Variants in SDS observed in about 807,000 individuals in gnomAD.
The protein encoded by SDS is L-serine dehydratase/L-threonine deaminase.
Under a neutral mutation model 29.3 loss-of-function variants are expected in SDS, and 19 were observed. That is an observed-to-expected ratio of 0.65 (90% CI 0.45 to 0.95). The LOEUF is 0.95. SDS is among the 40% of genes least tolerant of loss of function. SDS has a pLI of 0.00. For missense variants in SDS, 375 were observed against 439.9 expected (o/e 0.85, Z 1.32); for synonymous variants, 176 against 189.0 (o/e 0.93, Z 0.56).
At chr12:113,393,503 C>T (rs1375895421) in intron 7 of SDS, among the ~76,000 whole-genome samples, 2 of 152,100 alleles carry the variant, frequency 1.3e-5, no homozygotes, top group Non-Finnish European at 2.9e-5. Context: ...TCTTTTTTGC[C>T]ATCCCTGCCC....
intron 1 of SDS, among the ~76,000 whole-genome samples, chr12:113,399,918 A>G (rs991172098): frequency 2.0e-5 from 3 of 152,216 alleles, no homozygotes; most frequent in African/African-American, 7.2e-5. Flanking sequence ...CAGCTCTATC[A>G]GGGATCACCC....
At chr12:113,397,431 G>A (rs774502665) in intron 5 of SDS, 39 bp from the exon 6 acceptor site, 7 of 1,525,266 alleles carry the variant, frequency 4.6e-6, no homozygotes, top group Non-Finnish European at 6.3e-6. Flanking sequence ...TCAGGGCTAG[G>A]CTTCCTGGAG....
intron 5 of SDS, 138 bp from the exon 6 acceptor site, chr12:113,397,530 C>T (rs1957655869): frequency 1.0e-5 from 7 of 700,766 alleles, no homozygotes; most frequent in Non-Finnish European, 1.7e-5. Context: ...CTTCTAGCTG[C>T]CAGCATCTGT....
chr12:113,399,886 A>T (rs966887217), intron 1 of SDS, among the ~76,000 whole-genome samples, 176 bp from the exon 2 acceptor site: 3 of 152,204 alleles, frequency 2.0e-5, no homozygotes, highest in African/African-American at 7.2e-5. Flanking sequence ...GTGACATCAG[A>T]CAGGTAATCA....
intron 1 of SDS, among the ~76,000 whole-genome samples, chr12:113,400,502 A>T (rs1957678489): frequency 6.6e-6 from 1 of 151,598 alleles, no homozygotes; most frequent in Admixed American, 6.6e-5. Flanking sequence ...CTATCTATCT[A>T]TGTGAAAAAT....
chr12:113,394,954 A>C (rs1166296073), intron 6 of SDS, among the ~76,000 whole-genome samples: 3 of 152,196 alleles, frequency 2.0e-5, no homozygotes, highest in African/African-American at 7.2e-5. Context: ...CCCTGCTAGT[A>C]ACAAGCGCCC....
chr12:113,395,450 C>T (rs1451359693), intron 6 of SDS, among the ~76,000 whole-genome samples: 1 of 152,194 alleles, frequency 6.6e-6, no homozygotes, highest in Non-Finnish European at 1.5e-5. Context: ...TATTGTCTGC[C>T]CCGGTGTCTT....
At position 113,398,729 on chromosome 12, in the gene SDS, G is replaced by A; in HGVS notation, c.311C>T (p.Ala104Val). The part of the protein sequence containing the change: ...LTIERLKNEG[A>V]TVKVVGELLD... ...CACCTCACCCACCACCTTGACTGTG[G>A]CACCTTCATTCTTGAGGCGCTCAAT... is the stretch of plus-strand genomic sequence containing the variant. The change falls in exon 4 of 8, where the codon GCC becomes GTC. Residue 104 changes from alanine (A) to valine (V), a missense_variant. Coordinates refer to ENST00000257549, the MANE Select transcript of SDS (RefSeq NM_006843.3). 6.2e-7 allele frequency: 1 copy of A among 1,614,188 alleles called. No homozygotes were observed. The highest frequency in any genetic ancestry group is 8.5e-7 in the Non-Finnish European group (1 of 1,180,010).
chr12:113,398,371 T>A, intron 5 of SDS, 144 bp downstream of exon 5: 1 of 601,450 alleles, frequency 1.7e-6, no homozygotes, highest in East Asian at 2.9e-5. Context: ...GTGCCCCGCC[T>A]AAGTGTGCTT....
At chr12:113,398,914 C>T in intron 3 of SDS, 68 bp from the exon 4 acceptor site, 2 of 1,540,090 alleles carry the variant, frequency 1.3e-6, no homozygotes, top group Admixed American at 2.0e-5. Flanking sequence ...GGACTGCGTA[C>T]CCTCTACTGG....
chr12:113,394,269 A>T (rs1323226935), intron 6 of SDS, among the ~76,000 whole-genome samples: 1 of 139,304 alleles, frequency 7.2e-6, no homozygotes, highest in East Asian at 2.3e-4. Context: ...TCATTTTTTT[A>T]ATTTTTTTGA....
At position 113,397,328 on chromosome 12, in the gene SDS, C is replaced by T. The variant is rs770465764; in HGVS notation, c.490G>A (p.Ala164Thr). The change falls in exon 6 of 8, where the codon GCG (alanine) becomes ACG (threonine). Residue 164 changes from alanine to threonine, a missense_variant. Ala to Thr is a moderately conservative substitution (Grantham distance 58). Transcript: ENST00000257549. The part of the protein sequence containing the change: ...ETLWEKPGAI[A>T]LSVGGGGLLC... Reference sequence around the variant, plus strand: ...AGGCCCCCGCCGCCCACTGACAGCGCGATGGCCCCCGGCTTTTCCCACAGT... The same window carrying T: ...AGGCCCCCGCCGCCCACTGACAGCGTGATGGCCCCCGGCTTTTCCCACAGT... 6 of 1,614,010 alleles carry T rather than the reference C, an allele frequency of 3.7e-6. No homozygotes were observed. Among genetic ancestry groups the T allele is most frequent in the East Asian group, 2.2e-5 (1 of 44,888 alleles).
intron 1 of SDS, among the ~76,000 whole-genome samples, chr12:113,403,414 C>T (rs185533089): frequency 6.6e-6 from 1 of 152,090 alleles, no homozygotes; most frequent in African/African-American, 2.4e-5. Context: ...GTCCAAGCTA[C>T]TCGGGAGGCT....
rs75705008 is a variant in SDS, at chr12:113,401,382, C to T, written c.-2-1672G>A. Among the ~76,000 whole-genome samples, 8 of 140,490 alleles carry T rather than the reference C, an allele frequency of 5.7e-5. 1 individual carries two copies. Among genetic ancestry groups the T allele is most frequent in the African/African-American group, 1.1e-4 (4 of 37,072 alleles). The allele number at this position is 140,490 out of a possible 152,430, so 92.2% of individuals were successfully genotyped here. On this transcript the variant is annotated intron_variant, in intron 1 of 7. Coordinates refer to ENST00000257549, the MANE Select transcript of SDS (RefSeq NM_006843.3). Reference sequence around the variant, plus strand: ...TCACAGCTTTTAAATTTTATTCATTCATTCATTCATTCATTCATTCATTCA... The same window carrying T: ...TCACAGCTTTTAAATTTTATTCATTTATTCATTCATTCATTCATTCATTCA...
At chr12:113,401,070 C>T (rs868399101) in intron 1 of SDS, among the ~76,000 whole-genome samples, 1 of 151,620 alleles carries the variant, frequency 6.6e-6, no homozygotes, top group Admixed American at 6.6e-5. Context: ...GCCGAGATCG[C>T]GCCACTGCAC....
At chr12:113,398,684 C>G (rs202060272) in intron 4 of SDS, 23 bp downstream of exon 4, 1 of 1,612,428 alleles carries the variant, frequency 6.2e-7, no homozygotes, top group Non-Finnish European at 8.5e-7. Context: ...CCTCTCTCTT[C>G]CTTGCCCTGG....
intron 3 of SDS, 81 bp from the exon 4 acceptor site, chr12:113,398,927 G>A: frequency 1.3e-6 from 2 of 1,525,306 alleles, no homozygotes; most frequent in Non-Finnish European, 1.8e-6. Context: ...TCTACTGGGG[G>A]CTCTGGAGTT....
In SDS at chr12:113,392,851, G is replaced by T; in HGVS notation, c.*90C>A. 2 of 1,275,594 alleles carry T rather than the reference G, an allele frequency of 1.6e-6. No individual in the cohort carries two copies. The highest frequency in any genetic ancestry group is 1.3e-5 in the South Asian group (1 of 79,736). 79.0% of individuals were successfully genotyped at this position (1,275,594 alleles called of 1,614,324 possible). A position where few individuals can be genotyped will look rare whatever the true frequency, so the allele number is the denominator to read the frequency against. On this transcript the variant is annotated 3_prime_UTR_variant, in exon 8 of 8. Coordinates refer to ENST00000257549, the MANE Select transcript of SDS (RefSeq NM_006843.3). ...CCTGCACCCAGGCCACAGGTGCTCA[G>T]CCAAACATACGACGAGGCGCTGGAT... is the stretch of plus-strand genomic sequence containing the variant.
intron 6 of SDS, among the ~76,000 whole-genome samples, chr12:113,396,486 T>TCTTTC (rs1555207521): frequency 2.4e-5 from 3 of 126,584 alleles, no homozygotes; most frequent in Admixed American, 9.0e-5. Flanking sequence ...TCTTTCTCTC[T>TCTTTC]CTTTCTTTCC....
Sources: gnomAD v4.1 joint callset for allele counts (sites outside exome capture counted in the v4.1 genomes callset) on GRCh38, gnomAD v4.1.1 for gene constraint, MANE v1.5 for transcripts, NCBI Gene and HGNC (gene_info 2026-07-23, HGNC 2026-07-21) for gene names.